Variants in TSBP1 observed in about 807,000 individuals in gnomAD.
TSBP1 encodes testis-expressed basic protein 1.
Under a neutral mutation model 68.8 loss-of-function variants are expected in TSBP1, and 56 were observed. That is an observed-to-expected ratio of 0.81 (90% CI 0.66 to 1.02). The LOEUF is 1.02. Ranked by LOEUF, TSBP1 falls within the 50% of genes least tolerant of loss-of-function variation. The probability of loss-of-function intolerance (pLI) is 0.00; values close to 1 mark genes in which losing one functional copy is unlikely to be tolerated. For missense variants in TSBP1, 502 were observed against 641.2 expected, an observed-to-expected ratio of 0.78 and a Z score of 2.34; for synonymous variants, 171 against 208.7, an observed-to-expected ratio of 0.82 and a Z score of 1.56.
Position 32,339,586 on chromosome 6 carries a change from T to A in TSBP1, c.388+14A>T. 8.0e-7 allele frequency: 1 copy of A among 1,254,242 alleles called. No homozygotes were observed. The highest frequency in any genetic ancestry group is 1.2e-6 in the Non-Finnish European group (1 of 864,148). The allele number at this position is 1,254,242 out of a possible 1,614,324, so 77.7% of individuals were successfully genotyped here. Reference sequence around the variant, plus strand: ...AGTAAAAAAAGGACTGAGTTGTATATATGGGAAACTTACAAGGAGGTTCTT... The same window carrying A: ...AGTAAAAAAAGGACTGAGTTGTATAAATGGGAAACTTACAAGGAGGTTCTT... On this transcript the variant is annotated intron_variant, in intron 10 of 22. Transcript: ENST00000612031.
intron 8 of TSBP1, among the ~76,000 whole-genome samples, chr6:32,351,526 C>A (rs1297101527): frequency 1.3e-5 from 2 of 152,004 alleles, no homozygotes; most frequent in Non-Finnish European, 2.9e-5. Context: ...AGAGAAGTCA[C>A]AAGATCTGAA....
Position 32,366,257 on chromosome 6 carries a change from C to T in TSBP1, c.196+16G>A, listed in dbSNP as rs778396335. On this transcript the variant is annotated intron_variant, in intron 5 of 22. Transcript: ENST00000612031. Reference sequence around the variant, plus strand: ...ACAGACTCCTATATTAATTTCTTAGCAATACAATAATTTACCACTTTGTGT... The same window carrying T: ...ACAGACTCCTATATTAATTTCTTAGTAATACAATAATTTACCACTTTGTGT... 12 of 1,594,348 alleles carry T rather than the reference C, an allele frequency of 7.5e-6. No individual in the cohort carries two copies. The East Asian group carries it at 1.8e-4, about 24-fold the overall frequency.
chr6:32,325,946 A>G lies in TSBP1; in HGVS notation c.515-2332T>C. ...GGATATGGTGGCAGTGAGGATGGCT[A>G]TAATGGATTTGGTAATGATGGGAGC... is the stretch of plus-strand genomic sequence containing the variant. On this transcript the variant is annotated intron_variant, in intron 16 of 22. Transcript: ENST00000612031. This position sits in a 1 kb window ranked among gnomAD's most constrained non-coding sequence, Gnocchi z 4.4. The G allele has an allele frequency of 1.3e-6, 2 of 1,562,706 alleles. No individual in the cohort carries two copies. The highest frequency in any genetic ancestry group is 1.7e-6 in the Non-Finnish European group (2 of 1,148,128).
At chr6:32,295,799 C>A (rs1764645717) in intron 22 of TSBP1, among the ~76,000 whole-genome samples, 1 of 149,576 alleles carries the variant, frequency 6.7e-6, no homozygotes, top group South Asian at 2.1e-4. Context: ...TAGTTTCCAA[C>A]AAATAATTTA....
chr6:32,368,666 A>C, intron 3 of TSBP1, 116 bp downstream of exon 3: 11 of 1,043,982 alleles, frequency 1.1e-5, no homozygotes, highest in Non-Finnish European at 1.5e-5. Context: ...AGTTCATGCA[A>C]TGGTGCACTA....
At chr6:32,352,561 T>C in intron 8 of TSBP1, among the ~76,000 whole-genome samples, 1 of 151,878 alleles carries the variant, frequency 6.6e-6, no homozygotes, top group Non-Finnish European at 1.5e-5. Flanking sequence ...AACATTTAGA[T>C]AAACATATAA....
Position 32,333,487 on chromosome 6 carries a change from A to C in TSBP1, c.473-1433T>G. 6.6e-6 allele frequency among the ~76,000 whole-genome samples: 1 copy of C among 152,288 alleles called. No individual in the cohort carries two copies. The highest frequency in any genetic ancestry group is 1.9e-4 in the East Asian group (1 of 5,176). ...TGCAGGTAATGTGTATGGGGTTCTTATAGGAGATTTTAGTTCCTGGTGGAT... is the reference window on the plus strand; with the variant it reads ...TGCAGGTAATGTGTATGGGGTTCTTCTAGGAGATTTTAGTTCCTGGTGGAT... On this transcript the variant is annotated intron_variant, in intron 14 of 22. Transcript: ENST00000612031. The surrounding 1 kb of genome is among the most constrained non-coding windows in gnomAD (Gnocchi z 4.2).
chr6:32,324,173 G>C (rs1284445975), intron 16 of TSBP1, among the ~76,000 whole-genome samples: 1 of 152,134 alleles, frequency 6.6e-6, no homozygotes, highest in East Asian at 1.9e-4. Flanking sequence ...ACAACTTAAA[G>C]TTGTTATTTA....
chr6:32,371,705 A>G (rs146229298), exon 1 of TSBP1: 131 of 1,613,282 alleles, frequency 8.1e-5, no homozygotes, highest in Non-Finnish European at 1.0e-4. Context: ...CAAGACTGTC[A>G]TTTTCCATGT....
chr6:32,293,188 A>G (rs1031518572), exon 23 of TSBP1: 40 of 1,608,648 alleles, frequency 2.5e-5, no homozygotes, highest in Admixed American at 3.3e-5. Flanking sequence ...TATTTCCTTT[A>G]TCCTCAAAAC....
chr6:32,357,164 C>T lies in TSBP1; in HGVS notation c.218-1495G>A, dbSNP rs1772447056. 4.6e-5 allele frequency among the ~76,000 whole-genome samples: 7 copies of T among 152,018 alleles called. No homozygotes were observed. ...GGTTATGTTAGGGGGACTGGAAAGT[C>T]AGAGAAATAGTCATTTGGGTTTATG... is the stretch of plus-strand genomic sequence containing the variant. On this transcript the variant is annotated intron_variant, in intron 6 of 22. Transcript: ENST00000612031. This position sits in a 1 kb window ranked among gnomAD's most constrained non-coding sequence, Gnocchi z 4.7.
rs1400708543 is a variant in TSBP1, at chr6:32,338,430, T to C, written c.409+549A>G. Among the ~76,000 whole-genome samples, 1 of 152,108 alleles carries C rather than the reference T, an allele frequency of 6.6e-6. No homozygotes were observed. The highest frequency in any genetic ancestry group is 2.4e-5 in the African/African-American group (1 of 41,404). On this transcript the variant is annotated intron_variant, in intron 11 of 22. Coordinates refer to ENST00000612031, the Ensembl canonical transcript of TSBP1. The surrounding 1 kb of genome is among the most constrained non-coding windows in gnomAD (Gnocchi z 5.5). ...CATTTTTTTTCCTTTTTAAATCAAC[T>C]TCCTCTCACTTATTCCTTATTCTCT...
At position 32,343,461 on chromosome 6, in the gene TSBP1, G is replaced by A. The variant is rs150952376; in HGVS notation, c.350-3823C>T. ...ACTATGCAGGAGTGAAAGTTTCAGGGGAATATTCAGCTTTACTATATTTCC... is the reference window on the plus strand; with the variant it reads ...ACTATGCAGGAGTGAAAGTTTCAGGAGAATATTCAGCTTTACTATATTTCC... On this transcript the variant is annotated intron_variant, in intron 9 of 22. Transcript: ENST00000612031. This position sits in a 1 kb window ranked among gnomAD's most constrained non-coding sequence, Gnocchi z 4.3. Among the ~76,000 whole-genome samples the A allele has an allele frequency of 9.2e-4, 140 of 152,082 alleles. No individual in the cohort carries two copies. Among genetic ancestry groups the A allele is most frequent in the Middle Eastern group, 6.8e-3 (2 of 294 alleles).
intron 16 of TSBP1, among the ~76,000 whole-genome samples, 179 bp downstream of exon 17, chr6:32,330,410 A>C (rs1768837605): frequency 6.6e-6 from 1 of 151,854 alleles, no homozygotes; most frequent in Non-Finnish European, 1.5e-5. Flanking sequence ...TTTTCTTTTA[A>C]AAAAAATAGC....
intron 18 of TSBP1, among the ~76,000 whole-genome samples, chr6:32,317,862 G>A (rs1441630884): frequency 2.6e-5 from 4 of 152,142 alleles, no homozygotes; most frequent in African/African-American, 9.7e-5. Flanking sequence ...TGGTGGCAAC[G>A]TAAATTAGTT....
chr6:32,293,447 T>G, exon 23 of TSBP1: 1 of 1,612,012 alleles, frequency 6.2e-7, no homozygotes, highest in Non-Finnish European at 8.5e-7. Context: ...CTGGGCTTCC[T>G]GTCCTTTCAG....
At position 32,357,311 on chromosome 6, in the gene TSBP1, T is replaced by G. The variant is rs542955957; in HGVS notation, c.218-1642A>C. ...AGATTGTAGGCTTGTACACTAAAGA[T>G]CTGTAAACAGGAAATTAAAAATTAA... On this transcript the variant is annotated intron_variant, in intron 6 of 22. Coordinates refer to ENST00000612031, the Ensembl canonical transcript of TSBP1. This position sits in a 1 kb window ranked among gnomAD's most constrained non-coding sequence, Gnocchi z 4.7. Among the ~76,000 whole-genome samples, 1 of 152,148 alleles carries G rather than the reference T, an allele frequency of 6.6e-6. No homozygotes were observed. Among genetic ancestry groups the G allele is most frequent in the Non-Finnish European group, 1.5e-5 (1 of 68,008 alleles).
intron 16 of TSBP1, among the ~76,000 whole-genome samples, chr6:32,328,496 A>G (rs1768541863): frequency 6.7e-6 from 1 of 150,310 alleles, no homozygotes; most frequent in Non-Finnish European, 1.5e-5. Context: ...GCTCACTGCA[A>G]TCTCCACCTC....
rs892487010 is a variant in TSBP1, at chr6:32,357,572, A to G, written c.218-1903T>C. The stretch of plus-strand genomic sequence containing the variant: ...CTCGCTGTGGTGAGGTGAATAGACT[A>G]TAAGAAGGCAAGAGGAGTATCAAGG... On this transcript the variant is annotated intron_variant, in intron 6 of 22. Transcript: ENST00000612031. The surrounding 1 kb of genome is among the most constrained non-coding windows in gnomAD (Gnocchi z 4.7). Among the ~76,000 whole-genome samples, 4 of 152,192 alleles carry G rather than the reference A, an allele frequency of 2.6e-5. No homozygotes were observed. Among genetic ancestry groups the G allele is most frequent in the African/African-American group, 9.6e-5 (4 of 41,452 alleles).
Sources: allele counts gnomAD v4.1 joint callset (sites outside exome capture counted in the v4.1 genomes callset), GRCh38; gene constraint gnomAD v4.1.1; non-coding constraint Gnocchi (gnomAD v3.1); transcripts MANE v1.5; gene names NCBI Gene and HGNC (gene_info 2026-07-23, HGNC 2026-07-21).